Variants in SAMD15 observed in about 807,000 individuals in gnomAD.
The protein encoded by SAMD15 is sterile alpha motif domain-containing protein 15.
A neutral mutation model predicts 50.5 loss-of-function variants in SAMD15; 37 were observed. That is an observed-to-expected ratio of 0.73 (90% CI 0.56 to 0.96). The LOEUF is 0.96. Among genes scored for constraint, SAMD15 ranks in the 40% least tolerant of loss-of-function variants. SAMD15 has a pLI of 0.00. For synonymous variants in SAMD15, 255 were observed against 282.8 expected (o/e 0.90, Z 0.99); for missense variants, 789 against 783.8 (o/e 1.01, Z -0.08).
chr14:77,384,541 T>C (rs137954649), intron 2 of SAMD15, among the ~76,000 whole-genome samples: 60 of 152,340 alleles, frequency 3.9e-4, no homozygotes, highest in African/African-American at 1.3e-3. Context: ...TCTTTCACCA[T>C]TGGGGGCTCT....
chr14:77,385,049 T>C (rs958442313), intron 2 of SAMD15, among the ~76,000 whole-genome samples: 6 of 151,588 alleles, frequency 4.0e-5, no homozygotes, highest in African/African-American at 4.8e-5. Context: ...CGGGCCTGGT[T>C]GTGCGCACCT....
chr14:77,391,329 C>CTTTTTTT lies in SAMD15; in HGVS notation c.*93_*99dup. On this transcript the variant is annotated 3_prime_UTR_variant, in exon 3 of 3. Transcript: ENST00000216471. ...GGTCTTTTTTGGTTTTCTTTTTCTC[C>CTTTTTTT]TTTTTTTTTTTTTTATTTTTTTGAG... 1.6e-6 allele frequency: 1 copy of CTTTTTTT among 616,726 alleles called. No homozygotes were observed. Among genetic ancestry groups the CTTTTTTT allele is most frequent in the Non-Finnish European group, 2.6e-6 (1 of 377,488 alleles). 38.2% of individuals were successfully genotyped at this position (616,726 alleles called of 1,614,324 possible). A position where few individuals can be genotyped will look rare whatever the true frequency, so the allele number is the denominator to read the frequency against.
rs117303513 is a variant in SAMD15 at position 77,388,032 on chromosome 14, G to A, written c.1789-2976G>A. ...TACTCCAGCCTGCATGACAGAGCAA[G>A]ACCTTCCTGTCTTGATAAATAAATA... On this transcript the variant is annotated intron_variant, in intron 2 of 2. Transcript: ENST00000216471. Among the ~76,000 whole-genome samples, 144 of 152,348 alleles carry A rather than the reference G, an allele frequency of 9.5e-4. 2 individuals carry two copies. In the East Asian group the frequency reaches 0.021, roughly 23 times the overall value.
At chr14:77,384,231 C>A (rs565366548) in intron 2 of SAMD15, among the ~76,000 whole-genome samples, 1 of 152,048 alleles carries the variant, frequency 6.6e-6, no homozygotes, top group African/African-American at 2.4e-5. Context: ...GAAGGAAGAG[C>A]GAGCAGATTG....
intron 2 of SAMD15, among the ~76,000 whole-genome samples, chr14:77,386,181 G>T (rs1424570681): frequency 2.6e-5 from 4 of 152,118 alleles, no homozygotes; most frequent in East Asian, 3.9e-4. Context: ...TTAAAAGTTT[G>T]CATGCAGTAA....
chr14:77,385,355 G>A lies in SAMD15; in HGVS notation c.1788+4874G>A, dbSNP rs546305796. Among the ~76,000 whole-genome samples the A allele has an allele frequency of 2.0e-5, 3 of 150,668 alleles. No individual in the cohort carries two copies. In the South Asian group the frequency reaches 6.3e-4, roughly 32 times the overall value. On this transcript the variant is annotated intron_variant, in intron 2 of 2. Transcript: ENST00000216471. ...GGCTGCAGTGCAATGGCGCGATCTC[G>A]GCTCACTGCAACCTCTGCCTCCCAG...
chr14:77,380,257 A>G, intron 1 of SAMD15, 126 bp from the exon 2 acceptor site: 1 of 670,486 alleles, frequency 1.5e-6, no homozygotes, highest in Admixed American at 2.3e-5. Flanking sequence ...TAAAAAAGAA[A>G]AAACAAAATA....
chr14:77,391,334 T>A lies in SAMD15; in HGVS notation c.*90T>A. 1 of 854,072 alleles carries A rather than the reference T, an allele frequency of 1.2e-6. No homozygotes were observed. The highest frequency in any genetic ancestry group is 1.8e-6 in the Non-Finnish European group (1 of 540,854). 52.9% of individuals were successfully genotyped at this position (854,072 alleles called of 1,614,324 possible). On this transcript the variant is annotated 3_prime_UTR_variant, in exon 3 of 3. Transcript: ENST00000216471. The stretch of plus-strand genomic sequence containing the variant: ...TTTTTGGTTTTCTTTTTCTCCTTTT[T>A]TTTTTTTTTATTTTTTTGAGACAGA...
At chr14:77,386,646 A>T (rs1894009005) in intron 2 of SAMD15, among the ~76,000 whole-genome samples, 1 of 152,044 alleles carries the variant, frequency 6.6e-6, no homozygotes, top group South Asian at 2.1e-4. Flanking sequence ...CATCTCTGAA[A>T]TAATAATAAT....
chr14:77,386,322 C>T (rs1469985880), intron 2 of SAMD15, among the ~76,000 whole-genome samples: 2 of 152,162 alleles, frequency 1.3e-5, no homozygotes, highest in Non-Finnish European at 2.9e-5. Context: ...CATCCCTTTA[C>T]CGTAATCCCT....
Position 77,383,684 on chromosome 14 carries a change from T to C in SAMD15, c.1788+3203T>C, listed in dbSNP as rs183582816. Among the ~76,000 whole-genome samples, 600 of 152,196 alleles carry C rather than the reference T, an allele frequency of 3.9e-3. 1 individual carries two copies. Among genetic ancestry groups the C allele is most frequent in the Middle Eastern group, 0.01 (3 of 294 alleles). On this transcript the variant is annotated intron_variant, in intron 2 of 2. Transcript: ENST00000216471. ...GACACTTAGACCCACATGAAAAAGC[T>C]GATTATGGCCAGGTCTGGTGGCTCA...
In SAMD15 at chr14:77,386,147, C is replaced by T. The variant is rs74686905; in HGVS notation, c.1789-4861C>T. Among the ~76,000 whole-genome samples, 1,054 of 152,186 alleles carry T rather than the reference C, an allele frequency of 6.9e-3. 18 individuals are homozygous for T. The highest frequency in any genetic ancestry group is 0.024 in the African/African-American group (1,000 of 41,516). ...CTGGGATTACAGGCATGAACCACTG[C>T]GCCTGGCCTCTCTTCCTGGCTTTTT... On this transcript the variant is annotated intron_variant, in intron 2 of 2. Coordinates refer to ENST00000216471, the MANE Select transcript of SAMD15 (RefSeq NM_001010860.4).
At chr14:77,380,507 C>T (rs940546090) in intron 2 of SAMD15, 26 bp downstream of exon 2, 3 of 1,501,866 alleles carry the variant, frequency 2.0e-6, no homozygotes, top group Non-Finnish European at 2.8e-6. Flanking sequence ...AGTTTCCCTA[C>T]AGAGCACTGT....
At position 77,378,028 on chromosome 14, in the gene SAMD15, A is replaced by C; in HGVS notation, c.610A>C (p.Thr204Pro). 1 of 1,613,952 alleles carries C rather than the reference A, an allele frequency of 6.2e-7. No individual in the cohort carries two copies. Among genetic ancestry groups the C allele is most frequent in the South Asian group, 1.1e-5 (1 of 91,080 alleles). The change falls in exon 1 of 3, where the codon ACA (threonine) becomes CCA (proline). Residue 204 changes from threonine to proline, a missense_variant. Coordinates refer to ENST00000216471, the MANE Select transcript of SAMD15 (RefSeq NM_001010860.4). ...ATCACTTAGAGTGCAACATGAAGAG[A>C]CAGGTCTAGAGCCTCCAGAGCAGAC... Reference protein sequence around the residue: ...EESLRVQHEETGLEPPEQTKQ... With the variant: ...EESLRVQHEEPGLEPPEQTKQ...
chr14:77,381,033 G>T (rs1893937634), intron 2 of SAMD15, among the ~76,000 whole-genome samples: 1 of 152,050 alleles, frequency 6.6e-6, no homozygotes, highest in Non-Finnish European at 1.5e-5. Context: ...TCTTCGCTCA[G>T]TTCCCCCATC....
intron 1 of SAMD15, among the ~76,000 whole-genome samples, chr14:77,379,944 GT>G (rs965319041): frequency 2.6e-5 from 4 of 152,130 alleles, no homozygotes. Context: ...TGCCAACTAG[GT>G]TTAAGGCTAC....
Position 77,377,713 on chromosome 14 carries a change from A to G in SAMD15, c.295A>G (p.Thr99Ala). 1 of 1,614,224 alleles carries G rather than the reference A, an allele frequency of 6.2e-7. No individual in the cohort carries two copies. Among genetic ancestry groups the G allele is most frequent in the South Asian group, 1.1e-5 (1 of 91,090 alleles). Reference protein sequence around the residue: ...KESKRDVPSETEPGIHQEVKS... With the variant: ...KESKRDVPSEAEPGIHQEVKS... ...GTCCAAGAGAGACGTACCAAGCGAA[A>G]CTGAACCAGGGATACACCAAGAGGT... Residue 99 changes from threonine (T) to alanine (A), a missense_variant, in exon 1 of 3, where the codon ACT becomes GCT. Physicochemically the swap from Thr to Ala is moderately conservative, Grantham distance 58 (BLOSUM62 0). Around this residue, in one of 2 missense-constraint regions of SAMD15, gnomAD observed 770 missense variants for 745.4 expected, o/e 1.03. Coordinates refer to ENST00000216471, the MANE Select transcript of SAMD15 (RefSeq NM_001010860.4).
Position 77,378,900 on chromosome 14 carries a change from C to T in SAMD15, c.1482C>T (p.Tyr494=), listed in dbSNP as rs1357712567. The change falls in exon 1 of 3, where the codon TAC becomes TAT. Residue 494 remains tyrosine, a synonymous_variant. Transcript: ENST00000216471. The part of the protein sequence containing the change: ...KLLNVSEECS[Y]SDPSESQTEL... ...TTAATGTCAGTGAAGAATGCTCATA[C>T]TCAGATCCCTCAGAGTCTCAGACAG... The T allele has an allele frequency of 6.2e-7, 1 of 1,613,994 alleles. No individual in the cohort carries two copies. Among genetic ancestry groups the T allele is most frequent in the African/African-American group, 1.3e-5 (1 of 75,020 alleles).
chr14:77,378,672 A>C lies in SAMD15; in HGVS notation c.1254A>C (p.Glu418Asp). 1.9e-6 allele frequency: 3 copies of C among 1,614,160 alleles called. No homozygotes were observed. The highest frequency in any genetic ancestry group is 2.5e-6 in the Non-Finnish European group (3 of 1,180,008). Residue 418 changes from glutamate to aspartate, a missense_variant, in exon 1 of 3, where the codon GAA becomes GAC. Transcript: ENST00000216471. Reference sequence around the variant, plus strand: ...CCAAACCAAGGGAGACACATGTAGAATTTTCCAAGGAAGACAGGCCAGAAC... The same window carrying C: ...CCAAACCAAGGGAGACACATGTAGACTTTTCCAAGGAAGACAGGCCAGAAC... ...DETKPRETHV[E>D]FSKEDRPEPI...
Sources: allele counts gnomAD v4.1 joint callset (sites outside exome capture counted in the v4.1 genomes callset), GRCh38; gene constraint gnomAD v4.1.1; regional missense constraint gnomAD v4.1.1; transcripts MANE v1.5; gene names NCBI Gene and HGNC (gene_info 2026-07-23, HGNC 2026-07-21).